The following TTN variants were observed in gnomAD, a reference collection of about 807,000 sequenced individuals.
The protein encoded by TTN is titin.
TTN carries 1,525 observed loss-of-function variants against 3,223.0 expected under a neutral mutation model. The ratio of observed to expected loss-of-function variants is 0.47; its 90% CI spans 0.45 to 0.49. The LOEUF is 0.49. Among genes scored for constraint, TTN ranks in the 20% least tolerant of loss-of-function variants. TTN has a pLI of 0.00. For missense variants in TTN, 40,786 were observed against 43,424.0 expected, an observed-to-expected ratio of 0.94 and a Z score of 5.40; for synonymous variants, 14,094 against 15,161.0, an observed-to-expected ratio of 0.93 and a Z score of 5.17.
chr2:178,626,112 C>G (rs923233348), intron 240 of TTN, among the ~76,000 whole-genome samples: 4 of 151,934 alleles, frequency 2.6e-5, no homozygotes, highest in African/African-American at 9.7e-5. Context: ...AAGAAAATAT[C>G]AGCTATGGCA....
chr2:178,529,015 G>A lies in TTN; in HGVS notation c.106736C>T (p.Ser35579Leu), dbSNP rs727504462. 2.5e-6 allele frequency: 4 copies of A among 1,613,836 alleles called. No homozygotes were observed. In the African/African-American group the frequency reaches 5.3e-5, roughly 22 times the overall value. Residue 35579 changes from serine (S) to leucine (L), a missense_variant, in exon 360 of 363, where the codon TCA (serine) becomes TTA (leucine). Coordinates refer to ENST00000589042, the MANE Select transcript of TTN (RefSeq NM_001267550.2). ...GGATTTTTCCAGGGAGGTTGCTGCTGATTTCTTGACTTCTTCAGAAATCAG... is the reference window on the plus strand; with the variant it reads ...GGATTTTTCCAGGGAGGTTGCTGCTAATTTCTTGACTTCTTCAGAAATCAG... ...KVLISEEVKKSAATSLEKSIV... is the reference protein window; with the variant it reads ...KVLISEEVKKLAATSLEKSIV...
Position 178,693,628 on chromosome 2 carries a change from C to A in TTN, c.31575G>T (p.Arg10525Ser), listed in dbSNP as rs188251302. ...TAATACCTTTAGGTGGTGGTTCAAC[C>A]CTTTTGGAAATGGCAACGTGAATTT... The part of the protein sequence containing the change: ...EEKIHVAISK[R>S]VEPPPKVPEL... The change falls in exon 119 of 363, where the codon AGG (arginine) becomes AGT (serine). Residue 10525 changes from arginine to serine, a missense_variant. Transcript: ENST00000589042. 12 of 1,597,950 alleles carry A rather than the reference C, an allele frequency of 7.5e-6. No homozygotes were observed. In the South Asian group the frequency reaches 7.9e-5, roughly 11 times the overall value.
At chr2:178,749,047 G>A (rs768075856) in intron 47 of TTN, 1 of 1,612,444 alleles carries the variant, frequency 6.2e-7, no homozygotes, top group African/African-American at 1.3e-5. Flanking sequence ...TTTTCCCCGG[G>A]TAGTGTATCT....
chr2:178,592,715 A>G, intron 300 of TTN, 55 bp from the exon 301 acceptor site: 1 of 1,612,110 alleles, frequency 6.2e-7, no homozygotes, highest in Non-Finnish European at 8.5e-7. Context: ...GATTACAATT[A>G]AACACATACA....
In TTN at chr2:178,748,076, G is replaced by T. The variant is rs747141631; in HGVS notation, c.11311+5048C>A. 3.2e-5 allele frequency: 52 copies of T among 1,612,976 alleles called. No individual in the cohort carries two copies. The South Asian group carries it at 5.6e-4, about 17-fold the overall frequency. On this transcript the variant is annotated intron_variant, in intron 47 of 362. Transcript: ENST00000589042. Reference sequence around the variant, plus strand: ...TTCTTCCATTTCACCAACCCCTAAAGGCTTTTCCTCACTTGCTGCTTTTTT... The same window carrying T: ...TTCTTCCATTTCACCAACCCCTAAATGCTTTTCCTCACTTGCTGCTTTTTT...
intron 10 of TTN, among the ~76,000 whole-genome samples, chr2:178,791,680 T>C (rs1212055504): frequency 6.6e-6 from 1 of 151,612 alleles, no homozygotes; most frequent in East Asian, 1.9e-4. Flanking sequence ...TGTGTGTGTG[T>C]GTGTGTGTGC....
Position 178,729,512 on chromosome 2 carries a change from T to G in TTN, c.18644A>C (p.Asp6215Ala), listed in dbSNP as rs1267800654. 1.2e-6 allele frequency: 2 copies of G among 1,613,528 alleles called. No homozygotes were observed. The highest frequency in any genetic ancestry group is 1.3e-5 in the African/African-American group (1 of 74,998). ...CGTAACTTCACACTCCAGCTCCACG[T>G]CACTATATTTTACTACCTCCACAGG... ...LKPVEVVKYS[D>A]VELECEVTGT... The change falls in exon 64 of 363, where the codon GAC becomes GCC. Residue 6215 changes from aspartate (D) to alanine (A), a missense_variant. Physicochemically the swap from Asp to Ala is moderately radical, Grantham distance 126. Transcript: ENST00000589042.
chr2:178,674,232 C>T, intron 151 of TTN, 82 bp downstream of exon 151: 7 of 795,064 alleles, frequency 8.8e-6, no homozygotes, highest in Non-Finnish European at 1.5e-5. Flanking sequence ...GAAAAGCATA[C>T]TGGTGAATCT....
At position 178,582,031 on chromosome 2, in the gene TTN, C is replaced by T. The variant is rs748719400; in HGVS notation, c.66338G>A (p.Arg22113Lys). The stretch of plus-strand genomic sequence containing the variant: ...TTGAAGACCTGTTGCTTTTAATGTT[C>T]TTTCTATAATAGGTTTTCTGTTGAC... ...TKVNRKPIIE[R>K]TLKATGLQEG... The change falls in exon 315 of 363, where the codon AGA becomes AAA. Residue 22113 changes from arginine to lysine, a missense_variant. Coordinates refer to ENST00000589042, the MANE Select transcript of TTN (RefSeq NM_001267550.2). 1 of 1,613,292 alleles carries T rather than the reference C, an allele frequency of 6.2e-7. No homozygotes were observed. Among genetic ancestry groups the T allele is most frequent in the Non-Finnish European group, 8.5e-7 (1 of 1,179,464 alleles).
In TTN at chr2:178,695,216, A is replaced by C. The variant is rs182168841; in HGVS notation, c.31270+132T>G. The stretch of plus-strand genomic sequence containing the variant: ...TTAGATAGAAATTTTAAGAAAAAAA[A>C]ATCATTCACAATAAAGCTTAGAGAA... On this transcript the variant is annotated intron_variant, in intron 115 of 362. Coordinates refer to ENST00000589042, the MANE Select transcript of TTN (RefSeq NM_001267550.2). 6.6e-5 allele frequency: 41 copies of C among 625,916 alleles called. No individual in the cohort carries two copies. The East Asian group carries it at 7.7e-4, about 12-fold the overall frequency. The allele number at this position is 625,916 out of a possible 1,614,324, so 38.8% of individuals were successfully genotyped here. A position where few individuals can be genotyped will look rare whatever the true frequency, so the allele number is the denominator to read the frequency against.
At position 178,566,754 on chromosome 2, in the gene TTN, T is replaced by C. The variant is rs1406730761; in HGVS notation, c.79378A>G (p.Arg26460Gly). Residue 26460 changes from arginine to glycine, a missense_variant, in exon 326 of 363, where the codon AGG (arginine) becomes GGG (glycine). Physicochemically the swap from Arg to Gly is moderately radical, Grantham distance 125. Transcript: ENST00000589042. Reference protein sequence around the residue: ...GLTEDHEYEFRVSAENAAGVG... With the variant: ...GLTEDHEYEFGVSAENAAGVG... ...CCAGCAGCATTTTCTGCAGAGACCC[T>C]GAATTCATACTCATGATCTTCTGTT... 1.2e-6 allele frequency: 2 copies of C among 1,613,422 alleles called. No homozygotes were observed. Among genetic ancestry groups the C allele is most frequent in the East Asian group, 4.5e-5 (2 of 44,818 alleles).
In TTN at chr2:178,779,341, G is replaced by A. The variant is rs747330039; in HGVS notation, c.3851C>T (p.Ser1284Phe). The change falls in exon 23 of 363, where the codon TCT (serine) becomes TTT (phenylalanine). Residue 1284 changes from serine to phenylalanine, a missense_variant. Physicochemically the swap from Ser to Phe is radical, Grantham distance 155. Coordinates refer to ENST00000589042, the MANE Select transcript of TTN (RefSeq NM_001267550.2). ...TCCTGATTCAACAGCTTCAGATTCA[G>A]AAATGTCAACTGCCATCTTTTCTTC... The part of the protein sequence containing the change: ...DGEEKMAVDI[S>F]ESEAVESGFD... 1.9e-6 allele frequency: 3 copies of A among 1,613,018 alleles called. No individual in the cohort carries two copies. The highest frequency in any genetic ancestry group is 2.2e-5 in the East Asian group (1 of 44,794).
intron 47 of TTN, among the ~76,000 whole-genome samples, 195 bp downstream of exon 47, chr2:178,752,929 A>G (rs529204756): frequency 6.6e-6 from 1 of 152,216 alleles, no homozygotes; most frequent in African/African-American, 2.4e-5. Context: ...TTAACTTACA[A>G]TAAATTACTG....
At position 178,787,982 on chromosome 2, in the gene TTN, A is replaced by G. The variant is rs545414167; in HGVS notation, c.2076+1378T>C. On this transcript the variant is annotated intron_variant, in intron 13 of 362. Transcript: ENST00000589042. ...TTTAGGAGACATAAAGAAGAGTATT[A>G]TTTGGTCTGACTTTTCACTACTAGA... 2.6e-5 allele frequency among the ~76,000 whole-genome samples: 4 copies of G among 152,174 alleles called. No individual in the cohort carries two copies. In the East Asian group the frequency reaches 5.8e-4, roughly 22 times the overall value.
chr2:178,650,385 C>G, intron 209 of TTN, 114 bp from the exon 210 acceptor site: 1 of 1,013,862 alleles, frequency 9.9e-7, no homozygotes, highest in Non-Finnish European at 1.4e-6. Context: ...CAATTGATAC[C>G]TTCTCTTATT....
rs745324961 is a variant in TTN, at chr2:178,540,364, G to A, written c.97802C>T (p.Pro32601Leu). 1.2e-6 allele frequency: 2 copies of A among 1,610,980 alleles called. No individual in the cohort carries two copies. Among genetic ancestry groups the A allele is most frequent in the Non-Finnish European group, 1.7e-6 (2 of 1,178,100 alleles). ...AACTCTTGGGTTTTGTGGCTTTCCTGGAGGAGCTGAGAATAAGAATAAGAA... is the reference window on the plus strand; with the variant it reads ...AACTCTTGGGTTTTGTGGCTTTCCTAGAGGAGCTGAGAATAAGAATAAGAA... Reference protein sequence around the residue: ...PIVAMDPIAPPGKPQNPRVTD... With the variant: ...PIVAMDPIAPLGKPQNPRVTD... The change falls in exon 351 of 363, where the codon CCA becomes CTA. Residue 32601 changes from proline (P) to leucine (L), a missense_variant. Transcript: ENST00000589042.
In TTN at chr2:178,781,330, A is replaced by G. The variant is rs2092741206; in HGVS notation, c.3381-67T>C. 5 of 1,575,480 alleles carry G rather than the reference A, an allele frequency of 3.2e-6. No homozygotes were observed. In the Middle Eastern group the frequency reaches 5.0e-4, roughly 158 times the overall value. Reference sequence around the variant, plus strand: ...ACTCTTCTGTGGGTAAAATAATTGGACTTATCTGTGAGTGGATCTGTGGTA... The same window carrying G: ...ACTCTTCTGTGGGTAAAATAATTGGGCTTATCTGTGAGTGGATCTGTGGTA... On this transcript the variant is annotated intron_variant, in intron 20 of 362. Transcript: ENST00000589042.
intron 270 of TTN, 127 bp downstream of exon 270, chr2:178,610,866 T>A: frequency 8.5e-7 from 1 of 1,177,364 alleles, no homozygotes; most frequent in Non-Finnish European, 1.2e-6. Flanking sequence ...AAAGACATAA[T>A]CAGAAGTGAC....
chr2:178,705,544 T>C (rs1025360515), intron 102 of TTN, among the ~76,000 whole-genome samples, 187 bp from the exon 103 acceptor site: 5 of 152,098 alleles, frequency 3.3e-5, no homozygotes, highest in African/African-American at 1.2e-4. Context: ...TCGATTAAGA[T>C]CAGATGGATT....
Sources: gnomAD v4.1 joint callset for allele counts (sites outside exome capture counted in the v4.1 genomes callset) on GRCh38, gnomAD v4.1.1 for gene constraint, MANE v1.5 for transcripts, NCBI Gene and HGNC (gene_info 2026-07-23, HGNC 2026-07-21) for gene names.